Variants in HAAO observed in about 807,000 individuals in gnomAD.
HAAO encodes the protein 3-hydroxyanthranilate 3,4-dioxygenase.
Under a neutral mutation model 46.2 loss-of-function variants are expected in HAAO, and 49 were observed. The ratio of observed to expected loss-of-function variants is 1.06; its 90% confidence interval spans 0.84 to 1.34. The LOEUF is 1.34. Among genes scored for constraint, HAAO ranks in the 40% most tolerant of loss-of-function variants. The pLI, the probability that HAAO is intolerant of heterozygous loss-of-function variation, is 0.00. For synonymous variants in HAAO, 157 were observed against 145.2 expected, an observed-to-expected ratio of 1.08 and a Z score of -0.58; for missense variants, 408 against 364.5, an observed-to-expected ratio of 1.12 and a Z score of -0.97.
chr2:42,788,446 G>A (rs1672550684), intron 2 of HAAO, 83 bp downstream of exon 2: 2 of 860,510 alleles, frequency 2.3e-6, no homozygotes, highest in Non-Finnish European at 4.0e-6. Flanking sequence ...TCATCTCTGG[G>A]CCTCGAGTGG....
chr2:42,790,706 A>AT (rs1170817394), intron 1 of HAAO, among the ~76,000 whole-genome samples: 16 of 151,904 alleles, frequency 1.1e-4, no homozygotes, highest in African/African-American at 3.6e-4. Context: ...TAATTTTTGT[A>AT]TTTTTAGCAG....
At chr2:42,783,670 G>C in intron 3 of HAAO, 114 bp downstream of exon 3, 1 of 901,700 alleles carries the variant, frequency 1.1e-6, no homozygotes, top group Non-Finnish European at 1.8e-6. Flanking sequence ...AGGTGTGGGA[G>C]AGCAGGAAAA....
chr2:42,767,801 G>T lies in HAAO; in HGVS notation c.699+59C>A, dbSNP rs893062559. On this transcript the variant is annotated intron_variant, in intron 8 of 9. Transcript: ENST00000294973. ...CCCCGTGTGGGAGCCCAGGGCCGAGGAGCGGGCTGATGCCCTCTGGCAGGG... is the reference window on the plus strand; with the variant it reads ...CCCCGTGTGGGAGCCCAGGGCCGAGTAGCGGGCTGATGCCCTCTGGCAGGG... 4.4e-6 allele frequency: 7 copies of T among 1,580,634 alleles called. No homozygotes were observed. The South Asian group carries it at 6.6e-5, about 15-fold the overall frequency.
At chr2:42,788,667 G>A (rs1020408810) in intron 1 of HAAO, 60 bp from the exon 2 acceptor site, 5 of 1,083,788 alleles carry the variant, frequency 4.6e-6, no homozygotes, top group East Asian at 2.4e-5. Flanking sequence ...AAGAGAGCAC[G>A]GGTCCCGTGG....
In HAAO at chr2:42,770,582, C is replaced by T. The variant is rs1385905499; in HGVS notation, c.351G>A (p.Arg117=). 7.1e-6 allele frequency: 11 copies of T among 1,547,490 alleles called. No individual in the cohort carries two copies. The highest frequency in any genetic ancestry group is 9.6e-6 in the Non-Finnish European group (11 of 1,144,376). The change falls in exon 5 of 10, where the codon AGG becomes AGA. Residue 117 remains arginine (R), a splice_region_variant and synonymous_variant. Transcript: ENST00000294973. ...CGTCCATGGTGTCGCCCACATAGTA[C>T]CTGCCAGAGCAGAGGACAGGCAACC... is the stretch of plus-strand genomic sequence containing the variant. ...RRLETELDGL[R]YYVGDTMDVL...
At chr2:42,774,820 T>C (rs1307610786) in intron 4 of HAAO, among the ~76,000 whole-genome samples, 1 of 152,236 alleles carries the variant, frequency 6.6e-6, no homozygotes, top group African/African-American at 2.4e-5. Context: ...TTCTGTTTTG[T>C]TGTTGTTTCA....
At chr2:42,779,400 C>T (rs1380569446) in intron 4 of HAAO, among the ~76,000 whole-genome samples, 1 of 151,710 alleles carries the variant, frequency 6.6e-6, no homozygotes, top group East Asian at 1.9e-4. Flanking sequence ...TGGCTCATTG[C>T]AACCTCCGCC....
chr2:42,788,580 G>T lies in HAAO; in HGVS notation c.108C>A (p.Phe36Leu). Residue 36 changes from phenylalanine (F) to leucine (L), a missense_variant, in exon 2 of 10, where the codon TTC (phenylalanine) becomes TTA (leucine). Transcript: ENST00000294973. ...LMHQEQLKVM[F>L]IGGPNTRKDY... ...CCTTCCTGGTGTTGGGGCCTCCGAT[G>T]AACATGACTTTGAGCTGCTCCTGGT... The T allele has an allele frequency of 6.3e-7, 1 of 1,598,206 alleles. No individual in the cohort carries two copies. The highest frequency in any genetic ancestry group is 1.3e-5 in the African/African-American group (1 of 74,676).
In HAAO at chr2:42,788,520, C is replaced by T. The variant is rs1672556265; in HGVS notation, c.159+9G>A. ...CAGGCCTAGATCCAGGGAGACCAGT[C>T]AAACCTACCTCTTCACCCTCTTCGA... is the stretch of plus-strand genomic sequence containing the variant. On this transcript the variant is annotated intron_variant, in intron 2 of 9. Transcript: ENST00000294973. The T allele has an allele frequency of 6.3e-7, 1 of 1,583,792 alleles. No homozygotes were observed.
intron 2 of HAAO, among the ~76,000 whole-genome samples, chr2:42,788,270 C>T (rs1341517096): frequency 6.6e-6 from 1 of 152,364 alleles, no homozygotes; most frequent in Non-Finnish European, 1.5e-5. Flanking sequence ...ATGGCTAAAA[C>T]CTCTCACCCG....
At position 42,780,211 on chromosome 2, in the gene HAAO, A is replaced by ATTTTT. The variant is rs58338551; in HGVS notation, c.350+3098_350+3102dup. On this transcript the variant is annotated intron_variant, in intron 4 of 9. Transcript: ENST00000294973. The stretch of plus-strand genomic sequence containing the variant: ...AGAACACAGGTGTTCTTTTTTTTTA[A>ATTTTT]TTTTTTTTTTTTTTTAAGATGGAGT... 1.5e-3 allele frequency among the ~76,000 whole-genome samples: 212 copies of ATTTTT among 137,748 alleles called. 3 individuals are homozygous for ATTTTT. The highest frequency in any genetic ancestry group is 1.8e-3 in the South Asian group (8 of 4,410). The allele number at this position is 137,748 out of a possible 152,430, so 90.4% of individuals were successfully genotyped here.
At chr2:42,770,678 A>G (rs1026053235) in intron 4 of HAAO, 96 bp from the exon 5 acceptor site, 6 of 708,664 alleles carry the variant, frequency 8.5e-6, no homozygotes, top group Non-Finnish European at 1.4e-5. Context: ...AAGTCCCTGC[A>G]GAGCCCTGCT....
rs1672119500 is a variant in HAAO, at chr2:42,782,950, G to A, written c.350+364C>T. 3 of 447,144 alleles carry A rather than the reference G, an allele frequency of 6.7e-6. No homozygotes were observed. The Admixed American group carries it at 8.3e-5, about 12-fold the overall frequency. 27.7% of individuals were successfully genotyped at this position (447,144 alleles called of 1,614,324 possible). On this transcript the variant is annotated intron_variant, in intron 4 of 9. Transcript: ENST00000294973. ...GCACATGTCATCAGGACCTCCTGAG[G>A]CTGTGTCACGGGCACACGTCCTCAA...
chr2:42,767,750 CTGGGCCCCAAGGCCCCAAGAG>C, intron 8 of HAAO, 73 bp from the exon 9 acceptor site: 1 of 1,546,062 alleles, frequency 6.5e-7, no homozygotes, highest in Non-Finnish European at 8.9e-7. Context: ...CTGAGTCTGC[CTGGGCCCCAAGGCCCCAAGAG>C]TGGGCCCCGT....
intron 4 of HAAO, among the ~76,000 whole-genome samples, chr2:42,782,221 G>A (rs915180885): frequency 6.6e-6 from 1 of 152,160 alleles, no homozygotes; most frequent in East Asian, 1.9e-4. Flanking sequence ...ACTGAAGCCT[G>A]ACAACTTAAA....
chr2:42,788,587 A>G lies in HAAO; in HGVS notation c.101T>C (p.Val34Ala), dbSNP rs1672562219. The G allele has an allele frequency of 6.3e-7, 1 of 1,593,494 alleles. No individual in the cohort carries two copies. The highest frequency in any genetic ancestry group is 1.3e-5 in the African/African-American group (1 of 74,544). ...GGTGTTGGGGCCTCCGATGAACATG[A>G]CTTTGAGCTGCTCCTGGTGCCTGCA... is the stretch of plus-strand genomic sequence containing the variant. ...NKLMHQEQLK[V>A]MFIGGPNTRK... Residue 34 changes from valine (V) to alanine (A), a missense_variant, in exon 2 of 10, where the codon GTC becomes GCC. Coordinates refer to ENST00000294973, the MANE Select transcript of HAAO (RefSeq NM_012205.3).
intron 4 of HAAO, among the ~76,000 whole-genome samples, chr2:42,773,982 A>G (rs998603480): frequency 1.3e-5 from 2 of 152,202 alleles, no homozygotes; most frequent in African/African-American, 4.8e-5. Flanking sequence ...CGGAAACTCA[A>G]AAGAATGCAA....
intron 2 of HAAO, among the ~76,000 whole-genome samples, chr2:42,788,003 C>T (rs2104669892): frequency 6.6e-6 from 1 of 152,166 alleles, no homozygotes; most frequent in East Asian, 1.9e-4. Context: ...GCCACCCTGC[C>T]CCAACTCCTC....
chr2:42,780,690 A>C (rs1036515112), intron 4 of HAAO, among the ~76,000 whole-genome samples: 1 of 152,050 alleles, frequency 6.6e-6, no homozygotes, highest in Non-Finnish European at 1.5e-5. Flanking sequence ...TTTTGCTTTA[A>C]ATGTTGCTGA....
Sources: gnomAD v4.1 joint callset for allele counts (sites outside exome capture counted in the v4.1 genomes callset) on GRCh38, gnomAD v4.1.1 for gene constraint, MANE v1.5 for transcripts, NCBI Gene and HGNC (gene_info 2026-07-23, HGNC 2026-07-21) for gene names.